Variants in CHST9 observed in about 807,000 individuals in gnomAD.
CHST9 encodes GalNAc-4-sulfotransferase 2.
A neutral mutation model predicts 44.4 loss-of-function variants in CHST9; 41 were observed. The ratio of observed to expected loss-of-function variants is 0.92; its 90% CI spans 0.72 to 1.20. CHST9 has a LOEUF of 1.20. Among genes scored for constraint, CHST9 ranks in the 50% most tolerant of loss-of-function variants. The pLI, the probability that CHST9 is intolerant of heterozygous loss-of-function variation, is 0.00. For synonymous variants in CHST9, 171 were observed against 178.4 expected (o/e 0.96, Z 0.33); for missense variants, 504 against 516.5 (o/e 0.98, Z 0.23).
At chr18:27,178,976 T>A (rs1294239829) in intron 1 of CHST9, among the ~76,000 whole-genome samples, 2 of 152,024 alleles carry the variant, frequency 1.3e-5, no homozygotes, top group East Asian at 1.9e-4. Context: ...AATACCTCCT[T>A]TCCTGTTTTT....
intron 2 of CHST9, among the ~76,000 whole-genome samples, chr18:27,088,709 A>C (rs1250919903): frequency 6.6e-6 from 1 of 152,022 alleles, no homozygotes; most frequent in African/African-American, 2.4e-5. Flanking sequence ...ACTTTTTTTA[A>C]TGCCTGTGTG....
intron 1 of CHST9, among the ~76,000 whole-genome samples, chr18:27,145,230 C>G (rs542859308): frequency 2.0e-5 from 3 of 152,106 alleles, no homozygotes; most frequent in African/African-American, 7.2e-5. Context: ...TTCACTCTGT[C>G]GCCCAGGCTG....
chr18:27,006,659 C>T (rs564822253), intron 4 of CHST9, among the ~76,000 whole-genome samples: 16 of 152,330 alleles, frequency 1.1e-4, no homozygotes, highest in Admixed American at 7.2e-4. Flanking sequence ...TGCTTGCCTC[C>T]TCCACCATTC....
Position 27,183,511 on chromosome 18 carries a change from A to T in CHST9, c.-97+1625T>A, listed in dbSNP as rs1385385082. ...ATGCAAGGTGCTCATTTTCTGGAGG[A>T]CGGTACTGTAATGAAGGGGATAAAA... On this transcript the variant is annotated intron_variant, in intron 1 of 5. Coordinates refer to ENST00000618847, the MANE Select transcript of CHST9 (RefSeq NM_031422.6). Among the ~76,000 whole-genome samples, 3 of 152,164 alleles carry T rather than the reference A, an allele frequency of 2.0e-5. No homozygotes were observed. In the South Asian group the frequency reaches 6.2e-4, roughly 32 times the overall value.
At chr18:27,048,350 CA>C in intron 3 of CHST9, 114 bp downstream of exon 3, 2 of 798,610 alleles carry the variant, frequency 2.5e-6, no homozygotes, top group South Asian at 3.5e-5. Context: ...TCGATCAGTT[CA>C]AAAACCATAA....
At chr18:26,965,445 G>C (rs17623649) in intron 4 of CHST9, among the ~76,000 whole-genome samples, 14,019 of 152,226 alleles carry the variant, frequency 0.092, 928 homozygotes, top group Non-Finnish European at 0.14. Context: ...TTATAGATTA[G>C]AACCCCTGGG....
intron 2 of CHST9, among the ~76,000 whole-genome samples, chr18:27,127,045 T>A (rs2058430416): frequency 6.6e-6 from 1 of 152,062 alleles, no homozygotes; most frequent in South Asian, 2.1e-4. Flanking sequence ...ATCGGAGTAT[T>A]CTGGAGGAAG....
intron 4 of CHST9, among the ~76,000 whole-genome samples, chr18:26,959,818 T>C (rs12326646): frequency 0.29 from 44,099 of 151,930 alleles, 7,583 homozygotes; most frequent in African/African-American, 0.48. Context: ...TAATTTTGAG[T>C]CAAAGATTGA....
intron 4 of CHST9, among the ~76,000 whole-genome samples, chr18:26,954,242 G>A (rs762559787): frequency 5.3e-5 from 8 of 152,182 alleles, no homozygotes; most frequent in Non-Finnish European, 1.0e-4. Flanking sequence ...GGCACAGGAC[G>A]AGGAAATAGC....
At chr18:26,966,970 G>A (rs1445576669) in intron 4 of CHST9, among the ~76,000 whole-genome samples, 16 of 151,328 alleles carry the variant, frequency 1.1e-4, no homozygotes, top group Non-Finnish European at 1.5e-4. Flanking sequence ...TAGATATCTC[G>A]GGTTGGCCTG....
chr18:27,147,628 C>T (rs2143885944), intron 1 of CHST9: 1 of 152,338 alleles, frequency 6.6e-6, no homozygotes, highest in South Asian at 2.1e-4. Context: ...CTTCATTGGT[C>T]CACACCCACA....
intron 4 of CHST9, among the ~76,000 whole-genome samples, chr18:27,012,663 A>C (rs1002602855): frequency 1.3e-5 from 2 of 152,212 alleles, no homozygotes; most frequent in Admixed American, 6.5e-5. Context: ...AACAAACAAA[A>C]AAGACAAATG....
chr18:27,166,296 A>T (rs2058789683), intron 1 of CHST9, among the ~76,000 whole-genome samples: 1 of 152,136 alleles, frequency 6.6e-6, no homozygotes, highest in African/African-American at 2.4e-5. Flanking sequence ...ATGATCACAA[A>T]CAGGGCTCTT....
At chr18:27,134,047 T>C (rs368294994) in intron 2 of CHST9, among the ~76,000 whole-genome samples, 2 of 152,292 alleles carry the variant, frequency 1.3e-5, no homozygotes. Context: ...AAAGTCCTTC[T>C]ATGTAAAAAA....
intron 3 of CHST9, among the ~76,000 whole-genome samples, chr18:27,040,654 A>C (rs1421376725): frequency 1.3e-5 from 2 of 152,122 alleles, no homozygotes; most frequent in Non-Finnish European, 2.9e-5. Context: ...GGGGATTTTC[A>C]GTTAAATAAT....
At chr18:27,047,015 C>T (rs867077691) in intron 3 of CHST9, among the ~76,000 whole-genome samples, 1 of 152,034 alleles carries the variant, frequency 6.6e-6, no homozygotes, top group Non-Finnish European at 1.5e-5. Context: ...CTGAACAAAG[C>T]ATTAAAGTGA....
intron 5 of CHST9, among the ~76,000 whole-genome samples, chr18:26,941,750 A>T (rs532764953): frequency 6.6e-6 from 1 of 152,340 alleles, no homozygotes; most frequent in African/African-American, 2.4e-5. Flanking sequence ...AGTTACTTTT[A>T]AAAAGCATAC....
Position 27,074,060 on chromosome 18 carries a change from AAAGTT to A in CHST9, c.122-25562_122-25558del, listed in dbSNP as rs1380092312. 6.6e-5 allele frequency among the ~76,000 whole-genome samples: 10 copies of A among 152,322 alleles called. No homozygotes were observed. In the East Asian group the frequency reaches 1.9e-3, roughly 29 times the overall value. On this transcript the variant is annotated intron_variant, in intron 2 of 5. Coordinates refer to ENST00000618847, the MANE Select transcript of CHST9 (RefSeq NM_031422.6). ...CCTAAAGCAGCATATATTTGGCAAC[AAAGTT>A]AAGAACAGAACAAAGAAATTCATAT... is the stretch of plus-strand genomic sequence containing the variant.
At chr18:27,073,014 G>A (rs944656135) in intron 2 of CHST9, among the ~76,000 whole-genome samples, 37 of 152,114 alleles carry the variant, frequency 2.4e-4, no homozygotes, top group African/African-American at 7.5e-4. Flanking sequence ...TTGTTTGCCC[G>A]CTGAAATTTG....
Sources: allele counts gnomAD v4.1 joint callset (sites outside exome capture counted in the v4.1 genomes callset), GRCh38; gene constraint gnomAD v4.1.1; transcripts MANE v1.5; gene names NCBI Gene and HGNC (gene_info 2026-07-23, HGNC 2026-07-21).